DYRK1A: variants seen among roughly 807,000 people sequenced by gnomAD.
DYRK1A encodes the protein dual specificity tyrosine phosphorylation regulated kinase 1A, also known as dual specificity tyrosine-phosphorylation-regulated kinase 1A.
In DYRK1A, 9 loss-of-function variants were observed where a neutral mutation model predicts 79.7. The observed-to-expected ratio is 0.11, with a 90% CI of 0.07 to 0.20. The LOEUF is 0.20. DYRK1A is among the 10% of genes least tolerant of loss of function. The pLI, the probability that DYRK1A is intolerant of heterozygous loss-of-function variation, is 1.00. For synonymous variants in DYRK1A, 349 were observed against 329.7 expected (o/e 1.06, Z -0.63); for missense variants, 622 against 956.0 (o/e 0.65, Z 4.61).
chr21:37,395,904 T>C (rs2049952084), intron 1 of DYRK1A, among the ~76,000 whole-genome samples: 2 of 152,258 alleles, frequency 1.3e-5, no homozygotes, highest in Admixed American at 1.3e-4. Flanking sequence ...ATAATGGCAC[T>C]GTATACTGAA....
chr21:37,425,193 T>A (rs563462050), intron 2 of DYRK1A, among the ~76,000 whole-genome samples: 3 of 152,310 alleles, frequency 2.0e-5, no homozygotes, highest in African/African-American at 7.2e-5. Context: ...GGGTTAAGGC[T>A]TATCCTCTTT....
At chr21:37,398,230 G>T (rs998223684) in intron 1 of DYRK1A, among the ~76,000 whole-genome samples, 12 of 151,266 alleles carry the variant, frequency 7.9e-5, no homozygotes, top group African/African-American at 2.2e-4. Flanking sequence ...TGTAATCCTA[G>T]CTACTCTGGA....
At chr21:37,390,178 C>G (rs191117110) in intron 1 of DYRK1A, among the ~76,000 whole-genome samples, 1 of 152,196 alleles carries the variant, frequency 6.6e-6, no homozygotes, top group East Asian at 1.9e-4. Flanking sequence ...CACTGGTCCC[C>G]AGAGAATATG....
chr21:37,443,237 A>G (rs566834051), intron 2 of DYRK1A, among the ~76,000 whole-genome samples: 4 of 151,568 alleles, frequency 2.6e-5, no homozygotes, highest in Admixed American at 6.6e-5. Context: ...GCAACCTTCA[A>G]CTCCTCAAGA....
At chr21:37,470,128 A>T (rs2148549954) in intron 2 of DYRK1A, among the ~76,000 whole-genome samples, 1 of 152,308 alleles carries the variant, frequency 6.6e-6, no homozygotes, top group East Asian at 1.9e-4. Flanking sequence ...TGGGTGACAG[A>T]GCGAGACTCT....
intron 2 of DYRK1A, among the ~76,000 whole-genome samples, chr21:37,454,066 T>C (rs955977764): frequency 6.7e-6 from 1 of 148,152 alleles, no homozygotes; most frequent in Non-Finnish European, 1.5e-5. Flanking sequence ...TTGTCTTTCA[T>C]ATTATGAGAT....
intron 4 of DYRK1A, 93 bp downstream of exon 4, chr21:37,478,393 CTAG>C (rs1471754581): frequency 3.0e-6 from 3 of 1,016,882 alleles, no homozygotes; most frequent in South Asian, 1.7e-5. Flanking sequence ...TTTTTCATTC[CTAG>C]TAGTTGTCAT....
intron 2 of DYRK1A, among the ~76,000 whole-genome samples, chr21:37,432,050 A>G (rs1029339849): frequency 6.6e-6 from 1 of 152,254 alleles, no homozygotes. Flanking sequence ...ACAATATACT[A>G]TTATAACTTT....
chr21:37,450,356 A>G (rs1474295647), intron 2 of DYRK1A, among the ~76,000 whole-genome samples: 1 of 152,130 alleles, frequency 6.6e-6, no homozygotes, highest in Admixed American at 6.5e-5. Context: ...CTTTTTCATC[A>G]GGAGAAATAA....
Position 37,511,924 on chromosome 21 carries a change from T to G in DYRK1A, c.1658T>G (p.Phe553Cys). The part of the protein sequence containing the change: ...ETHSPQVRQQ[F>C]PAPLGWSGTE... ...CTGTTCTTTCAGGTGCGTCAGCAAT[T>G]TCCTGCTCCTCTTGGTTGGTCAGGC... is the stretch of plus-strand genomic sequence containing the variant. Residue 553 changes from phenylalanine (F) to cysteine (C), a missense_variant, in exon 12 of 12, where the codon TTT (phenylalanine) becomes TGT (cysteine). Physicochemically the swap from Phe to Cys is radical, Grantham distance 205. Coordinates refer to ENST00000647188, the MANE Select transcript of DYRK1A (RefSeq NM_001347721.2). 1 of 1,611,528 alleles carries G rather than the reference T, an allele frequency of 6.2e-7. No individual in the cohort carries two copies. The highest frequency in any genetic ancestry group is 8.5e-7 in the Non-Finnish European group (1 of 1,177,764).
chr21:37,373,284 A>G (rs1033466054), intron 1 of DYRK1A, among the ~76,000 whole-genome samples: 2 of 152,244 alleles, frequency 1.3e-5, no homozygotes, highest in African/African-American at 2.4e-5. Context: ...CCATATAAAT[A>G]TAAAATGGCA....
At chr21:37,453,086 G>A (rs2051512264) in intron 2 of DYRK1A, among the ~76,000 whole-genome samples, 1 of 152,134 alleles carries the variant, frequency 6.6e-6, no homozygotes, top group African/African-American at 2.4e-5. Flanking sequence ...ACTCCAGCCT[G>A]GGTGACGAGG....
chr21:37,441,884 T>C (rs910796086), intron 2 of DYRK1A, among the ~76,000 whole-genome samples: 1 of 152,102 alleles, frequency 6.6e-6, no homozygotes, highest in East Asian at 1.9e-4. Context: ...GTATTTCTAT[T>C]AACATTTTTT....
intron 2 of DYRK1A, among the ~76,000 whole-genome samples, chr21:37,464,717 C>A (rs763600637): frequency 1.4e-4 from 21 of 152,092 alleles, no homozygotes; most frequent in Non-Finnish European, 2.5e-4. Flanking sequence ...TATGAAATTA[C>A]TGTTTTTGTA....
rs1181188042 is a variant in DYRK1A at position 37,496,099 on chromosome 21, GTTTTTA to G, written c.1072-12_1072-7del. 1 of 1,593,394 alleles carries G rather than the reference GTTTTTA, an allele frequency of 6.3e-7. No homozygotes were observed. The highest frequency in any genetic ancestry group is 8.5e-7 in the Non-Finnish European group (1 of 1,173,832). On this transcript the variant is annotated splice_polypyrimidine_tract_variant and intron_variant, in intron 8 of 11. Transcript: ENST00000647188. ...TACAGTAGAAATTACAGGTTTTGTT[GTTTTTA>G]TTTTTAATACAGGTAGATCAGATGA...
chr21:37,392,112 G>T (rs2049881865), intron 1 of DYRK1A, among the ~76,000 whole-genome samples: 1 of 152,232 alleles, frequency 6.6e-6, no homozygotes, highest in Admixed American at 6.5e-5. Context: ...ATGTTTGTGT[G>T]CCTGTATGTG....
intron 7 of DYRK1A, among the ~76,000 whole-genome samples, chr21:37,492,441 TAGAG>T (rs1246697198): frequency 6.6e-6 from 1 of 152,088 alleles, no homozygotes; most frequent in Non-Finnish European, 1.5e-5. Flanking sequence ...TGGATGGAGG[TAGAG>T]AGAGAAGATG....
chr21:37,473,763 T>C (rs541522646), intron 3 of DYRK1A, among the ~76,000 whole-genome samples: 1 of 152,348 alleles, frequency 6.6e-6, no homozygotes, highest in South Asian at 2.1e-4. Flanking sequence ...GCTGACATAA[T>C]GTTTAAAATA....
At chr21:37,436,351 C>T (rs1013737623) in intron 2 of DYRK1A, among the ~76,000 whole-genome samples, 6 of 152,244 alleles carry the variant, frequency 3.9e-5, no homozygotes, top group Admixed American at 1.3e-4. Flanking sequence ...TCAAGGACTC[C>T]GGGGCCTTAG....
Sources: gnomAD v4.1 joint callset for allele counts (sites outside exome capture counted in the v4.1 genomes callset) on GRCh38, gnomAD v4.1.1 for gene constraint, MANE v1.5 for transcripts, NCBI Gene and HGNC (gene_info 2026-07-23, HGNC 2026-07-21) for gene names.